EEF2: variants seen among roughly 807,000 people sequenced by gnomAD.
EEF2 encodes the protein eukaryotic translation elongation factor 2, also known as elongation factor 2.
EEF2 carries 21 observed loss-of-function variants against 85.3 expected under a neutral mutation model. That is an observed-to-expected ratio of 0.25 (90% CI 0.17 to 0.35). The LOEUF is 0.35. Among genes scored for constraint, EEF2 ranks in the 10% least tolerant of loss-of-function variants. The pLI is 1.00. For missense variants in EEF2, 825 were observed against 1,225.3 expected (o/e 0.67, Z 4.88); for synonymous variants, 723 against 508.8 (o/e 1.42, Z -5.67).
In EEF2 at chr19:3,977,550, G is replaced by A; in HGVS notation, c.2128C>T (p.His710Tyr). 1 of 1,584,688 alleles carries A rather than the reference G, an allele frequency of 6.3e-7. No individual in the cohort carries two copies. Residue 710 changes from histidine to tyrosine, a missense_variant, in exon 13 of 15, where the codon CAC becomes TAC. By Grantham distance (83) the His-to-Tyr change is moderately conservative. Coordinates refer to ENST00000309311, the MANE Select transcript of EEF2 (RefSeq NM_001961.4). The surrounding 1 kb of genome is among the most constrained non-coding windows in gnomAD (Gnocchi z 5.4). ...CCTCCGCGGTGGATGGCGTCGGCGT[G>A]CAGGGTGACGTCGTGGACGTCGAAG... is the stretch of plus-strand genomic sequence containing the variant. Reference protein sequence around the residue: ...VRFDVHDVTLHADAIHRGGGQ... With the variant: ...VRFDVHDVTLYADAIHRGGGQ...
rs149250987 is a variant in EEF2, at chr19:3,983,135, T to A, written c.375A>T (p.Ala125=). The A allele has an allele frequency of 6.2e-7, 1 of 1,613,884 alleles. No homozygotes were observed. The highest frequency in any genetic ancestry group is 8.5e-7 in the Non-Finnish European group (1 of 1,179,976). The change falls in exon 3 of 15, where the codon GCA becomes GCT. Residue 125 remains alanine (A), a synonymous_variant. Transcript: ENST00000309311. The stretch of plus-strand genomic sequence containing the variant: ...CTGACACGCAGTCCACCACCACCAA[T>A]GCGCCATCGGTGACTCGGAGGGCAG... ...VTAALRVTDG[A]LVVVDCVSGV...
Position 3,979,789 on chromosome 19 carries a change from A to G in EEF2, c.1605+19T>C. 1 of 1,605,892 alleles carries G rather than the reference A, an allele frequency of 6.2e-7. No individual in the cohort carries two copies. Among genetic ancestry groups the G allele is most frequent in the Non-Finnish European group, 8.5e-7 (1 of 1,175,092 alleles). On this transcript the variant is annotated intron_variant, in intron 10 of 14. Coordinates refer to ENST00000309311, the MANE Select transcript of EEF2 (RefSeq NM_001961.4). Reference sequence around the variant, plus strand: ...CCCCCTCAGGGTGTCTGCTCCCAGCAGGTGCACTCCGTGCCCACCTGCACC... The same window carrying G: ...CCCCCTCAGGGTGTCTGCTCCCAGCGGGTGCACTCCGTGCCCACCTGCACC...
In EEF2 at chr19:3,977,731, T is replaced by G; in HGVS notation, c.2067+88A>C. On this transcript the variant is annotated intron_variant, in intron 12 of 14. Coordinates refer to ENST00000309311, the MANE Select transcript of EEF2 (RefSeq NM_001961.4). This position sits in a 1 kb window ranked among gnomAD's most constrained non-coding sequence, Gnocchi z 5.4. ...GGGGCCTTGCCCGCCTTGGCCCCAT[T>G]AGGGTCTCTGTCTCGGGAGGCAGGA... 1 of 1,491,060 alleles carries G rather than the reference T, an allele frequency of 6.7e-7. No homozygotes were observed. The highest frequency in any genetic ancestry group is 8.9e-7 in the Non-Finnish European group (1 of 1,122,736). The allele number at this position is 1,491,060 out of a possible 1,614,324, so 92.4% of individuals were successfully genotyped here. A position where few individuals can be genotyped will look rare whatever the true frequency, so the allele number is the denominator to read the frequency against.
chr19:3,982,549 A>T, intron 4 of EEF2, 125 bp from the exon 5 acceptor site: 1 of 1,317,944 alleles, frequency 7.6e-7, no homozygotes, highest in Non-Finnish European at 1.1e-6. Context: ...GGTCAAAGTG[A>T]AGAAATGATC....
At position 3,984,211 on chromosome 19, in the gene EEF2, G is replaced by A. The variant is rs1407899802; in HGVS notation, c.143C>T (p.Ser48Leu). Reference protein sequence around the residue: ...SLVCKAGIIASARAGETRFTD... With the variant: ...SLVCKAGIIALARAGETRFTD... The stretch of plus-strand genomic sequence containing the variant: ...GAAGCGTGTCTCCCCGGCCCGGGCC[G>A]AGGCGATGATGCCCGCCTTGCACAC... The change falls in exon 2 of 15, where the codon TCG becomes TTG. Residue 48 changes from serine to leucine, a missense_variant. Transcript: ENST00000309311. The A allele has an allele frequency of 7.4e-6, 12 of 1,614,116 alleles. No individual in the cohort carries two copies. Among genetic ancestry groups the A allele is most frequent in the African/African-American group, 1.3e-5 (1 of 75,060 alleles).
chr19:3,977,359 G>A lies in EEF2; in HGVS notation c.2251-12C>T, dbSNP rs1304609361. On this transcript the variant is annotated splice_polypyrimidine_tract_variant and intron_variant, in intron 13 of 14. Coordinates refer to ENST00000309311, the MANE Select transcript of EEF2 (RefSeq NM_001961.4). The surrounding 1 kb of genome is among the most constrained non-coding windows in gnomAD (Gnocchi z 5.4). Reference sequence around the variant, plus strand: ...ACCTGCTCTGGACACTGCCAGAAGGGAAAGAAAACCTGTCAGTGGCCGCTG... The same window carrying A: ...ACCTGCTCTGGACACTGCCAGAAGGAAAAGAAAACCTGTCAGTGGCCGCTG... 4.4e-6 allele frequency: 7 copies of A among 1,590,840 alleles called. No individual in the cohort carries two copies. The African/African-American group carries it at 5.4e-5, about 12-fold the overall frequency.
chr19:3,981,469 G>C lies in EEF2; in HGVS notation c.898-17C>G, dbSNP rs780007360. ...ATCAAACACCTACATTCCCCACCAA[G>C]AAACAAGAAAGCCCATTTGGGAACA... On this transcript the variant is annotated splice_polypyrimidine_tract_variant and intron_variant, in intron 6 of 14. Coordinates refer to ENST00000309311, the MANE Select transcript of EEF2 (RefSeq NM_001961.4). 2 of 1,608,812 alleles carry C rather than the reference G, an allele frequency of 1.2e-6. No homozygotes were observed. Among genetic ancestry groups the C allele is most frequent in the Non-Finnish European group, 8.5e-7 (1 of 1,176,338 alleles).
chr19:3,983,367 C>G, intron 2 of EEF2, 76 bp from the exon 3 acceptor site: 1 of 1,468,274 alleles, frequency 6.8e-7, no homozygotes, highest in Non-Finnish European at 9.2e-7. Context: ...CTGTCAGAAG[C>G]CAGGCTGCTC....
chr19:3,978,803 CAAA>C (rs58074233), intron 11 of EEF2, among the ~76,000 whole-genome samples: 16 of 36,832 alleles, frequency 4.3e-4, no homozygotes, highest in Admixed American at 1.5e-3. Context: ...ACTCTTGTCT[CAAA>C]AAAAAAAAAA....
rs368261907 is a variant in EEF2 at position 3,985,368 on chromosome 19, G to A, written c.3+10C>T. 13 of 1,503,628 alleles carry A rather than the reference G, an allele frequency of 8.6e-6. No homozygotes were observed. Among genetic ancestry groups the A allele is most frequent in the African/African-American group, 4.3e-5 (3 of 70,070 alleles). 93.1% of individuals were successfully genotyped at this position (1,503,628 alleles called of 1,614,324 possible). The stretch of plus-strand genomic sequence containing the variant: ...CCGCTCCGGGGCACCAGCGAGGCAG[G>A]GTTACTCACCATGGTGGCGGATGGC... On this transcript the variant is annotated intron_variant, in intron 1 of 14. Transcript: ENST00000309311.
At chr19:3,985,155 G>C in intron 1 of EEF2, 2 of 436,726 alleles carry the variant, frequency 4.6e-6, no homozygotes, top group Non-Finnish European at 8.0e-6. Context: ...CTCCAACCAG[G>C]TCTGGGCAAG....
chr19:3,976,776 G>C lies in EEF2; in HGVS notation c.2384-29C>G, dbSNP rs1430317160. Reference sequence around the variant, plus strand: ...CAGAGGGAAGCGAGAGGCTCACTGGGCCATCGAGAAGGTGGCAGGGCAGAA... The same window carrying C: ...CAGAGGGAAGCGAGAGGCTCACTGGCCCATCGAGAAGGTGGCAGGGCAGAA... On this transcript the variant is annotated intron_variant, in intron 14 of 14. Transcript: ENST00000309311. The C allele has an allele frequency of 2.7e-6, 4 of 1,508,346 alleles. No homozygotes were observed. The South Asian group carries it at 3.9e-5, about 15-fold the overall frequency. The allele number at this position is 1,508,346 out of a possible 1,614,324, so 93.4% of individuals were successfully genotyped here. A position where few individuals can be genotyped will look rare whatever the true frequency, so the allele number is the denominator to read the frequency against.
intron 10 of EEF2, 114 bp from the exon 11 acceptor site, chr19:3,979,550 G>T: frequency 9.7e-7 from 1 of 1,036,134 alleles, no homozygotes; most frequent in Non-Finnish European, 1.4e-6. Flanking sequence ...CAGGGAAGGT[G>T]CTGGGAAACT....
At chr19:3,978,402 GGA>G (rs1451581515) in intron 11 of EEF2, among the ~76,000 whole-genome samples, 1 of 152,158 alleles carries the variant, frequency 6.6e-6, no homozygotes, top group Non-Finnish European at 1.5e-5. Context: ...ACGGGCTTGT[GGA>G]ATTTTAAGCA....
Position 3,984,128 on chromosome 19 carries a change from G to A in EEF2, c.218+8C>T, listed in dbSNP as rs1433626121. ...CCTGCCTGGGTACAGAGGGCACAGG[G>A]AGCTCACGTTGACTTGATGGTGATG... On this transcript the variant is annotated splice_region_variant and intron_variant, in intron 2 of 14. Transcript: ENST00000309311. The A allele has an allele frequency of 6.2e-7, 1 of 1,613,190 alleles. No homozygotes were observed. The highest frequency in any genetic ancestry group is 1.3e-5 in the African/African-American group (1 of 74,938).
Position 3,977,135 on chromosome 19 carries a change from C to T in EEF2, c.2383+80G>A, listed in dbSNP as rs2039688232. The T allele has an allele frequency of 2.6e-6, 4 of 1,562,218 alleles. No homozygotes were observed. In the African/African-American group the frequency reaches 5.4e-5, roughly 21 times the overall value. On this transcript the variant is annotated intron_variant, in intron 14 of 14. Transcript: ENST00000309311. The surrounding 1 kb of genome is among the most constrained non-coding windows in gnomAD (Gnocchi z 5.4). ...GCTCCCATCAGGACGCCTCCTTTAA[C>T]ACCTTGCTAAGCTTAACTGGGCTTC... is the stretch of plus-strand genomic sequence containing the variant.
At chr19:3,979,642 T>G (rs959874970) in intron 10 of EEF2, among the ~76,000 whole-genome samples, 166 bp downstream of exon 10, 1 of 152,216 alleles carries the variant, frequency 6.6e-6, no homozygotes, top group African/African-American at 2.4e-5. Flanking sequence ...GAGAGGGTGG[T>G]GGCTGCCTGG....
chr19:3,983,528 C>T (rs1379331509), intron 2 of EEF2, among the ~76,000 whole-genome samples: 5 of 152,102 alleles, frequency 3.3e-5, no homozygotes, highest in African/African-American at 1.2e-4. Context: ...ACCAGACATC[C>T]TGCCCCACCG....
intron 14 of EEF2, 42 bp from the exon 15 acceptor site, chr19:3,976,789 T>C (rs1436251668): frequency 6.7e-7 from 1 of 1,483,056 alleles, no homozygotes; most frequent in East Asian, 2.4e-5. Flanking sequence ...ATCGAGAAGG[T>C]GGCAGGGCAG....
Sources: gnomAD v4.1 joint callset for allele counts (sites outside exome capture counted in the v4.1 genomes callset) on GRCh38, gnomAD v4.1.1 for gene constraint, Gnocchi (gnomAD v3.1) non-coding constraint, MANE v1.5 for transcripts, NCBI Gene and HGNC (gene_info 2026-07-23, HGNC 2026-07-21) for gene names.